EYS: variants seen among roughly 807,000 people sequenced by gnomAD.
EYS encodes protein eyes shut homolog.
In EYS, 250 loss-of-function variants were observed where a neutral mutation model predicts 282.1. The ratio of observed to expected loss-of-function variants is 0.89; its 90% CI spans 0.80 to 0.98. EYS has a LOEUF of 0.98. EYS is among the 50% of genes least tolerant of loss of function. The pLI, the probability that EYS is intolerant of heterozygous loss-of-function variation, is 0.00. For synonymous variants in EYS, 1,355 were observed against 1,282.9 expected (o/e 1.06, Z -1.20); for missense variants, 4,016 against 3,709.0 (o/e 1.08, Z -2.15).
intron 18 of EYS, among the ~76,000 whole-genome samples, chr6:64,893,685 A>T (rs1244274458): frequency 6.6e-6 from 1 of 152,042 alleles, no homozygotes; most frequent in Admixed American, 6.6e-5. Context: ...TTTTCTAAGA[A>T]TAGAATAATC....
At chr6:64,069,460 A>C (rs1771493417) in intron 32 of EYS, among the ~76,000 whole-genome samples, 1 of 151,964 alleles carries the variant, frequency 6.6e-6, no homozygotes, top group Admixed American at 6.6e-5. Context: ...GTATATATAC[A>C]CATGTGATAT....
chr6:65,288,017 C>T (rs1191959501), intron 12 of EYS, among the ~76,000 whole-genome samples: 5 of 151,136 alleles, frequency 3.3e-5, no homozygotes, highest in Non-Finnish European at 7.4e-5. Flanking sequence ...TTTCATCAGA[C>T]ATTGTATAGA....
chr6:64,126,061 G>T (rs975481873), intron 31 of EYS, among the ~76,000 whole-genome samples: 2 of 152,054 alleles, frequency 1.3e-5, no homozygotes, highest in Admixed American at 6.6e-5. Context: ...CTGTTGGTGG[G>T]ACTGTAAACT....
At chr6:65,335,168 A>G (rs1262375707) in intron 10 of EYS, 22 bp from the exon 11 acceptor site, 8 of 1,533,200 alleles carry the variant, frequency 5.2e-6, no homozygotes, top group Non-Finnish European at 7.2e-6. Flanking sequence ...AAAGAAGTAA[A>G]AATGTTATGA....
intron 2 of EYS, among the ~76,000 whole-genome samples, chr6:65,620,066 C>T (rs1332334120): frequency 6.6e-6 from 1 of 152,164 alleles, no homozygotes; most frequent in Non-Finnish European, 1.5e-5. Context: ...ATGCTGGCCT[C>T]ATAAAATGAG....
rs749263534 is a variant in EYS, at chr6:64,393,417, A to G, written c.5928-4577T>C. 3.5e-4 allele frequency among the ~76,000 whole-genome samples: 54 copies of G among 152,350 alleles called. 1 individual carries two copies. Among genetic ancestry groups the G allele is most frequent in the South Asian group, 2.1e-3 (10 of 4,832 alleles). ...GGCAAAACGAATCCAGCAACACATC[A>G]AAAAGCTTATCCACCATGATCAAGT... On this transcript the variant is annotated intron_variant, in intron 28 of 42. Coordinates refer to ENST00000503581, the MANE Select transcript of EYS (RefSeq NM_001142800.2).
chr6:65,491,474 A>G (rs1252913387), intron 4 of EYS: 1 of 339,688 alleles, frequency 2.9e-6, no homozygotes, highest in African/African-American at 2.2e-5. Flanking sequence ...TTAAGCTCTT[A>G]ATTTAATTTA....
chr6:64,327,787 G>C (rs614395), intron 29 of EYS, among the ~76,000 whole-genome samples: 114,280 of 152,016 alleles, frequency 0.75, 43,541 homozygotes, highest in African/African-American at 0.89. Context: ...AGAAAGTCCA[G>C]CCCTCTATGC....
chr6:65,607,148 C>G (rs1051138592), intron 2 of EYS, among the ~76,000 whole-genome samples: 1 of 151,796 alleles, frequency 6.6e-6, no homozygotes, highest in Non-Finnish European at 1.5e-5. Flanking sequence ...CTCTCAACCA[C>G]TTGCAATTTA....
chr6:64,421,643 A>G (rs1774235986), intron 28 of EYS, among the ~76,000 whole-genome samples: 1 of 152,188 alleles, frequency 6.6e-6, no homozygotes, highest in African/African-American at 2.4e-5. Context: ...AATGCTAAAC[A>G]CAATCAGTAT....
intron 1 of EYS, among the ~76,000 whole-genome samples, chr6:65,655,137 A>G (rs1281784261): frequency 1.3e-5 from 2 of 151,700 alleles, no homozygotes; most frequent in African/African-American, 4.8e-5. Context: ...TACAAATGAA[A>G]TTGGATTTAG....
intron 35 of EYS, among the ~76,000 whole-genome samples, chr6:63,891,278 A>G (rs1773399639): frequency 6.6e-6 from 1 of 152,212 alleles, no homozygotes; most frequent in Non-Finnish European, 1.5e-5. Flanking sequence ...GCAGAGACAC[A>G]GCAAAAAAAG....
At chr6:64,219,042 G>A (rs1766014657) in intron 31 of EYS, among the ~76,000 whole-genome samples, 1 of 152,160 alleles carries the variant, frequency 6.6e-6, no homozygotes. Context: ...AACAGGGAAA[G>A]GTGTTGTGGG....
Position 65,244,017 on chromosome 6 carries a change from C to T in EYS, c.2023+51846G>A, listed in dbSNP as rs189924102. On this transcript the variant is annotated intron_variant, in intron 12 of 42. Coordinates refer to ENST00000503581, the MANE Select transcript of EYS (RefSeq NM_001142800.2). ...TTCACTCTTTATCATTGTCATAGTC[C>T]TCTTCTCTCCATCCCTTCATCTGAG... is the stretch of plus-strand genomic sequence containing the variant. Among the ~76,000 whole-genome samples the T allele has an allele frequency of 4.6e-5, 7 of 152,152 alleles. No individual in the cohort carries two copies. In the East Asian group the frequency reaches 1.4e-3, roughly 29 times the overall value.
chr6:65,051,561 A>G (rs1773269358), intron 13 of EYS, among the ~76,000 whole-genome samples: 2 of 151,584 alleles, frequency 1.3e-5, no homozygotes, highest in Non-Finnish European at 3.0e-5. Flanking sequence ...GTGAGAACAC[A>G]AAATCTAATC....
At chr6:65,704,245 A>G (rs1010768422) in intron 1 of EYS, among the ~76,000 whole-genome samples, 1 of 152,216 alleles carries the variant, frequency 6.6e-6, no homozygotes, top group South Asian at 2.1e-4. Context: ...ATTACATACA[A>G]TAGTTTATGT....
At chr6:64,668,116 A>C (rs1349098289) in intron 22 of EYS, among the ~76,000 whole-genome samples, 1 of 152,200 alleles carries the variant, frequency 6.6e-6, no homozygotes, top group Non-Finnish European at 1.5e-5. Context: ...GGAAATATTG[A>C]AAAACCAAAA....
In EYS at chr6:64,960,715, T is replaced by C. The variant is rs1268268587; in HGVS notation, c.2260-14801A>G. On this transcript the variant is annotated intron_variant, in intron 14 of 42. Transcript: ENST00000503581. ...TTGTTCCATAGATAAACTTGTATTA[T>C]GGTGGTTTCTTGTACAGAATATTCC... is the stretch of plus-strand genomic sequence containing the variant. 2.6e-5 allele frequency among the ~76,000 whole-genome samples: 4 copies of C among 152,258 alleles called. No homozygotes were observed. The South Asian group carries it at 6.2e-4, about 24-fold the overall frequency.
intron 8 of EYS, among the ~76,000 whole-genome samples, chr6:65,359,645 C>T (rs1479404871): frequency 2.6e-5 from 4 of 151,856 alleles, no homozygotes; most frequent in Non-Finnish European, 2.9e-5. Flanking sequence ...TTATTTAAAG[C>T]ATTTGCTAGT....
Sources: allele counts gnomAD v4.1 joint callset (sites outside exome capture counted in the v4.1 genomes callset), GRCh38; gene constraint gnomAD v4.1.1; transcripts MANE v1.5; gene names NCBI Gene and HGNC (gene_info 2026-07-23, HGNC 2026-07-21).